Variants in KRT82 observed in about 807,000 individuals in gnomAD.
The protein encoded by KRT82 is keratin 82, also known as keratin, type II cuticular Hb2.
In KRT82, 44 loss-of-function variants were observed where a neutral mutation model predicts 48.0. That is an observed-to-expected ratio of 0.92 (90% CI 0.72 to 1.18). KRT82 has a LOEUF of 1.18. Among genes scored for constraint, KRT82 ranks in the 50% most tolerant of loss-of-function variants. The probability of loss-of-function intolerance (pLI) is 0.00; values close to 1 mark genes in which losing one functional copy is unlikely to be tolerated. For missense variants in KRT82, 701 were observed against 671.4 expected (o/e 1.04, Z -0.49); for synonymous variants, 297 against 278.3 (o/e 1.07, Z -0.67).
At chr12:52,401,432 C>A (rs1182331937) in intron 2 of KRT82, 83 bp from the exon 3 acceptor site, 2 of 1,357,266 alleles carry the variant, frequency 1.5e-6, no homozygotes, top group Non-Finnish European at 2.1e-6. Context: ...TTGGGGGCAA[C>A]TCTGCCTGTC....
chr12:52,406,040 A>G lies in KRT82; in HGVS notation c.238T>C (p.Tyr80His). The G allele has an allele frequency of 6.2e-7, 1 of 1,614,124 alleles. No homozygotes were observed. The highest frequency in any genetic ancestry group is 1.7e-5 in the Admixed American group (1 of 60,030). ...RCGGTLPGFG[Y>H]RLGATCGPSA... ...GGCCCACAGGTGGCTCCCAGTCGGT[A>G]CCCGAAGCCAGGCAGGGTACCTCCA... Residue 80 changes from tyrosine (Y) to histidine (H), a missense_variant, in exon 1 of 9, where the codon TAC (tyrosine) becomes CAC (histidine). By Grantham distance (83) the Tyr-to-His change is moderately conservative. Coordinates refer to ENST00000257974, the MANE Select transcript of KRT82 (RefSeq NM_033033.4).
At chr12:52,402,230 C>T (rs1236234799) in intron 2 of KRT82, 7 of 152,268 alleles carry the variant, frequency 4.6e-5, no homozygotes, top group Non-Finnish European at 7.3e-5. Flanking sequence ...CTGGTACAGG[C>T]TCTGTACTGT....
At chr12:52,397,638 T>C (rs1383929526) in intron 5 of KRT82, among the ~76,000 whole-genome samples, 13 of 152,336 alleles carry the variant, frequency 8.5e-5, no homozygotes, top group African/African-American at 3.1e-4. Context: ...GCATATTATA[T>C]AGAAAATGCA....
At chr12:52,398,381 A>G (rs1023219307) in intron 5 of KRT82, among the ~76,000 whole-genome samples, 1 of 152,028 alleles carries the variant, frequency 6.6e-6, no homozygotes, top group Admixed American at 6.5e-5. Flanking sequence ...AACTCAAAGG[A>G]TCCTGGGTCC....
chr12:52,403,045 C>G (rs895218052), intron 2 of KRT82, among the ~76,000 whole-genome samples: 20 of 152,330 alleles, frequency 1.3e-4, no homozygotes, highest in Admixed American at 8.5e-4. Context: ...CTCTTGAAAG[C>G]ACTTAATTAC....
intron 5 of KRT82, 57 bp downstream of exon 5, chr12:52,399,928 C>G: frequency 6.4e-7 from 1 of 1,569,252 alleles, no homozygotes; most frequent in South Asian, 1.1e-5. Flanking sequence ...TGGGGGTCCT[C>G]CCCTCCCCTG....
rs560910125 is a variant in KRT82 at position 52,394,604 on chromosome 12, G to A, written c.*371C>T. ...AGTAAGGGCAGTGTGAGCCTGTGGT[G>A]GGAGAGGAGCTGACTTTGTGAGGAA... On this transcript the variant is annotated 3_prime_UTR_variant, in exon 9 of 9. Coordinates refer to ENST00000257974, the MANE Select transcript of KRT82 (RefSeq NM_033033.4). 52 of 249,350 alleles carry A rather than the reference G, an allele frequency of 2.1e-4. No homozygotes were observed. In the South Asian group the frequency reaches 3.7e-3, roughly 18 times the overall value. 15.4% of individuals were successfully genotyped at this position (249,350 alleles called of 1,614,324 possible). A position where few individuals can be genotyped will look rare whatever the true frequency, so the allele number is the denominator to read the frequency against.
chr12:52,402,416 C>T (rs957168725), intron 2 of KRT82: 8 of 152,370 alleles, frequency 5.3e-5, no homozygotes, highest in Non-Finnish European at 1.0e-4. Context: ...CTCCAGCCCT[C>T]CCACAGCCTC....
rs140941961 is a variant in KRT82 at position 52,395,175 on chromosome 12, C to T, written c.1342G>A (p.Ala448Thr). The change falls in exon 9 of 9, where the codon GCC becomes ACC. Residue 448 changes from alanine (A) to threonine (T), a missense_variant. Ala to Thr is a moderately conservative substitution (Grantham distance 58). Transcript: ENST00000257974. ...ACCCCACATGGCTCGTACAGGAAGG[C>T]GCCTTTGGAGCTGCTCACTGCTGTG... ...VNISVSSSKG[A>T]FLYEPCGVST... The T allele has an allele frequency of 1.2e-5, 20 of 1,613,814 alleles. No homozygotes were observed. The highest frequency in any genetic ancestry group is 9.3e-5 in the African/African-American group (7 of 74,992).
Position 52,395,155 on chromosome 12 carries a change from A to C in KRT82, c.1362T>G (p.Cys454Trp). 6.2e-7 allele frequency: 1 copy of C among 1,613,990 alleles called. No homozygotes were observed. Among genetic ancestry groups the C allele is most frequent in the Non-Finnish European group, 8.5e-7 (1 of 1,179,968 alleles). ...SSKGAFLYEP[C>W]GVSTPVLSTG... The stretch of plus-strand genomic sequence containing the variant: ...TGCTGAGGACAGGCGTGCTGACCCC[A>C]CATGGCTCGTACAGGAAGGCGCCTT... The change falls in exon 9 of 9, where the codon TGT becomes TGG. Residue 454 changes from cysteine to tryptophan, a missense_variant. Cys to Trp is a radical substitution (Grantham distance 215, BLOSUM62 -2). Coordinates refer to ENST00000257974, the MANE Select transcript of KRT82 (RefSeq NM_033033.4).
Position 52,396,147 on chromosome 12 carries a change from A to G in KRT82, c.1154T>C (p.Leu385Pro), listed in dbSNP as rs765713774. ...CTTGGCCTTCTGCAGAGCCTCCTCC[A>G]GCCCTGCCAGCTTGCACTTGGCATC... is the stretch of plus-strand genomic sequence containing the variant. ...LNDAKCKLAG[L>P]EEALQKAKQD... Residue 385 changes from leucine to proline, a missense_variant, in exon 7 of 9, where the codon CTG becomes CCG. Physicochemically the swap from Leu to Pro is moderately conservative, Grantham distance 98. Transcript: ENST00000257974. 6 of 1,614,220 alleles carry G rather than the reference A, an allele frequency of 3.7e-6. No individual in the cohort carries two copies. In the East Asian group the frequency reaches 1.3e-4, roughly 36 times the overall value.
At chr12:52,401,498 C>T in intron 2 of KRT82, 149 bp from the exon 3 acceptor site, 1 of 671,966 alleles carries the variant, frequency 1.5e-6, no homozygotes, top group East Asian at 2.7e-5. Flanking sequence ...GCAACTCTAG[C>T]TCCTCCACCC....
intron 6 of KRT82, 118 bp downstream of exon 6, chr12:52,396,765 C>G (rs1939721077): frequency 8.5e-7 from 1 of 1,177,674 alleles, no homozygotes; most frequent in Non-Finnish European, 1.2e-6. Flanking sequence ...CAAGGCAGCA[C>G]AAGTTTATTC....
chr12:52,403,560 C>T, intron 2 of KRT82, 141 bp downstream of exon 2: 1 of 658,164 alleles, frequency 1.5e-6, no homozygotes, highest in Non-Finnish European at 2.7e-6. Context: ...GGGTGCCCTG[C>T]TGACACCATC....
In KRT82 at chr12:52,396,954, T is replaced by TA. The variant is rs1193223645; in HGVS notation, c.996dup (p.Lys333Ter). 4.3e-6 allele frequency: 7 copies of TA among 1,614,038 alleles called. No homozygotes were observed. The highest frequency in any genetic ancestry group is 1.7e-5 in the Admixed American group (1 of 60,010). Reference sequence around the variant, plus strand: ...TTATTCATTTCCAGGATCTCGTTCTTACGGTTGCGGAGGTTGTCACAGTGG... The same window carrying TA: ...TTATTCATTTCCAGGATCTCGTTCTTAACGGTTGCGGAGGTTGTCACAGTGG... On this transcript the variant is annotated frameshift_variant, in exon 6 of 9. Transcript: ENST00000257974. LOFTEE classifies it high-confidence loss of function.
chr12:52,402,418 C>T (rs1939801678), intron 2 of KRT82: 1 of 152,368 alleles, frequency 6.6e-6, no homozygotes, highest in Non-Finnish European at 1.5e-5. Flanking sequence ...CCAGCCCTCC[C>T]ACAGCCTCAC....
chr12:52,401,025 C>T (rs1939782803), intron 3 of KRT82, among the ~76,000 whole-genome samples: 1 of 152,194 alleles, frequency 6.6e-6, no homozygotes, highest in African/African-American at 2.4e-5. Flanking sequence ...TTAGACATGA[C>T]TTTAACCCAG....
In KRT82 at chr12:52,394,836, A is replaced by C. The variant is rs1020634342; in HGVS notation, c.*139T>G. ...GGTCCTAGGGGCAGCTCAGCTCTCA[A>C]GGAGGGAACACTGGAGGGGAATGTG... On this transcript the variant is annotated 3_prime_UTR_variant, in exon 9 of 9. Transcript: ENST00000257974. The C allele has an allele frequency of 1.3e-6, 1 of 743,298 alleles. No individual in the cohort carries two copies. Among genetic ancestry groups the C allele is most frequent in the Non-Finnish European group, 2.3e-6 (1 of 439,736 alleles). The allele number at this position is 743,298 out of a possible 1,614,324, so 46.0% of individuals were successfully genotyped here.
intron 6 of KRT82, 57 bp from the exon 7 acceptor site, chr12:52,396,289 C>A: frequency 1.3e-6 from 2 of 1,512,962 alleles, no homozygotes; most frequent in Non-Finnish European, 1.8e-6. Context: ...AAGCCAGACT[C>A]GCAGAAGAGC....
Sources: gnomAD v4.1 joint callset for allele counts (sites outside exome capture counted in the v4.1 genomes callset) on GRCh38, gnomAD v4.1.1 for gene constraint, MANE v1.5 for transcripts, NCBI Gene and HGNC (gene_info 2026-07-23, HGNC 2026-07-21) for gene names.